Variants in CEMIP observed in about 807,000 individuals in gnomAD.
CEMIP encodes the protein cell migration inducing hyaluronidase 1.
Under a neutral mutation model 156.9 loss-of-function variants are expected in CEMIP, and 105 were observed. The ratio of observed to expected loss-of-function variants is 0.67; its 90% CI spans 0.57 to 0.79. CEMIP has a LOEUF of 0.79. CEMIP is among the 30% of genes least tolerant of loss of function. CEMIP has a pLI of 0.00. For missense variants in CEMIP, 1,457 were observed against 1,769.4 expected (o/e 0.82, Z 3.17); for synonymous variants, 676 against 668.4 (o/e 1.01, Z -0.17).
intron 11 of CEMIP, 143 bp downstream of exon 11, chr15:80,895,265 T>C (rs2141859227): frequency 8.8e-7 from 1 of 1,131,272 alleles, no homozygotes; most frequent in Non-Finnish European, 1.3e-6. Flanking sequence ...AGTGGGAGGA[T>C]CCTTGGAGTT....
chr15:80,947,176 C>T (rs370067720), intron 29 of CEMIP, 111 bp downstream of exon 29: 12 of 717,834 alleles, frequency 1.7e-5, no homozygotes, highest in African/African-American at 3.5e-5. Context: ...TTGTACTAAA[C>T]GTGGGTACAA....
intron 12 of CEMIP, among the ~76,000 whole-genome samples, chr15:80,900,640 G>GTGTGTGTGTGTC (rs1596172842): frequency 1.5e-5 from 2 of 130,336 alleles, no homozygotes; most frequent in South Asian, 2.4e-4. Context: ...GTGTGTGTGT[G>GTGTGTGTGTGTC]TGTGTGTGTC....
Position 80,942,795 on chromosome 15 carries a change from C to G in CEMIP, c.3700-150C>G, listed in dbSNP as rs1257324406. The G allele has an allele frequency of 4.4e-6, 4 of 910,398 alleles. No individual in the cohort carries two copies. In the African/African-American group the frequency reaches 6.5e-5, roughly 15 times the overall value. 56.4% of individuals were successfully genotyped at this position (910,398 alleles called of 1,614,324 possible). ...CCACTATTTGACCCACTACTGAGGG[C>G]TACGAGGAGTTAAGTGGATAATGGA... On this transcript the variant is annotated intron_variant, in intron 27 of 29. Transcript: ENST00000394685.
chr15:80,946,618 A>T (rs1901565279), intron 28 of CEMIP: 1 of 298,038 alleles, frequency 3.4e-6, no homozygotes, highest in African/African-American at 2.1e-5. Flanking sequence ...AGAGATACAT[A>T]TCGAAGTCCT....
intron 23 of CEMIP, among the ~76,000 whole-genome samples, chr15:80,933,940 T>C (rs1471555234): frequency 1.3e-5 from 2 of 152,230 alleles, no homozygotes; most frequent in African/African-American, 2.4e-5. Context: ...AAACAGAATT[T>C]AATTTTAATA....
At chr15:80,790,579 T>G (rs1337147910) in intron 1 of CEMIP, among the ~76,000 whole-genome samples, 1 of 152,144 alleles carries the variant, frequency 6.6e-6, no homozygotes, top group Non-Finnish European at 1.5e-5. Context: ...CAGCTCCAGG[T>G]GGGGGTCACT....
At chr15:80,823,275 T>A (rs1896951717) in intron 1 of CEMIP, among the ~76,000 whole-genome samples, 2 of 152,182 alleles carry the variant, frequency 1.3e-5, no homozygotes, top group African/African-American at 4.8e-5. Context: ...TAAACACAAG[T>A]CGTTCCGTTG....
chr15:80,812,594 G>T (rs1280301106), intron 1 of CEMIP, among the ~76,000 whole-genome samples: 7 of 152,094 alleles, frequency 4.6e-5, no homozygotes, highest in African/African-American at 1.7e-4. Flanking sequence ...CTGCTTTTGT[G>T]GTTGCTGTTA....
intron 1 of CEMIP, among the ~76,000 whole-genome samples, chr15:80,835,333 C>T (rs951384724): frequency 1.3e-5 from 2 of 152,204 alleles, no homozygotes; most frequent in Non-Finnish European, 2.9e-5. Flanking sequence ...GTAGTACCAT[C>T]GCTGAGTTCC....
chr15:80,888,128 C>T (rs1898910781), intron 8 of CEMIP, among the ~76,000 whole-genome samples: 1 of 151,844 alleles, frequency 6.6e-6, no homozygotes, highest in African/African-American at 2.4e-5. Context: ...TTTGGGAGGC[C>T]GAGGCGGGTG....
rs750703866 is a variant in CEMIP at position 80,931,918 on chromosome 15, C to T, written c.2672C>T (p.Thr891Ile). The T allele has an allele frequency of 1.2e-6, 2 of 1,614,256 alleles. No individual in the cohort carries two copies. The highest frequency in any genetic ancestry group is 1.7e-6 in the Non-Finnish European group (2 of 1,180,040). ...GGCCCCATCAACATCCAAAACTGCA[C>T]TTTCCGAAAGTTTGTGGCCCTGGAG... The part of the protein sequence containing the change: ...YDGPINIQNC[T>I]FRKFVALEGR... Residue 891 changes from threonine to isoleucine, a missense_variant, in exon 22 of 30, where the codon ACT becomes ATT. Coordinates refer to ENST00000394685, the MANE Select transcript of CEMIP (RefSeq NM_001293298.2).
At chr15:80,859,149 T>C (rs1430156167) in intron 1 of CEMIP, among the ~76,000 whole-genome samples, 2 of 152,176 alleles carry the variant, frequency 1.3e-5, no homozygotes, top group Non-Finnish European at 2.9e-5. Context: ...ATGGATCTAT[T>C]CATTGGCCAG....
intron 1 of CEMIP, among the ~76,000 whole-genome samples, chr15:80,781,275 A>G (rs943425318): frequency 2.6e-5 from 4 of 152,258 alleles, no homozygotes; most frequent in Non-Finnish European, 4.4e-5. Context: ...ATGGAGAAGA[A>G]ATCAAATAGA....
intron 28 of CEMIP, among the ~76,000 whole-genome samples, chr15:80,944,370 C>T (rs904635005): frequency 6.6e-6 from 1 of 152,182 alleles, no homozygotes; most frequent in Non-Finnish European, 1.5e-5. Context: ...AAGAGTGTGG[C>T]CTTCTCAATG....
intron 14 of CEMIP, among the ~76,000 whole-genome samples, chr15:80,916,369 G>C (rs565103905): frequency 6.6e-6 from 1 of 152,278 alleles, no homozygotes; most frequent in East Asian, 1.9e-4. Context: ...AACAACTGAA[G>C]ACTTAAAACA....
intron 25 of CEMIP, 39 bp from the exon 26 acceptor site, chr15:80,941,810 G>A (rs1217839049): frequency 2.5e-6 from 4 of 1,588,344 alleles, no homozygotes; most frequent in Non-Finnish European, 2.6e-6. Context: ...GGAGGTTTGA[G>A]TGTCCAAGCA....
At chr15:80,870,543 C>A (rs1898255613) in intron 1 of CEMIP, among the ~76,000 whole-genome samples, 1 of 152,166 alleles carries the variant, frequency 6.6e-6, no homozygotes, top group Non-Finnish European at 1.5e-5. Context: ...AGGTGACAAG[C>A]CCTGGACTCC....
intron 3 of CEMIP, 56 bp downstream of exon 3, chr15:80,874,029 C>G: frequency 1.3e-6 from 2 of 1,483,336 alleles, no homozygotes; most frequent in South Asian, 2.4e-5. Context: ...CACGGCCCCT[C>G]ACTGGAGCAA....
At chr15:80,904,083 C>T (rs1899685948) in intron 12 of CEMIP, among the ~76,000 whole-genome samples, 1 of 152,214 alleles carries the variant, frequency 6.6e-6, no homozygotes, top group African/African-American at 2.4e-5. Flanking sequence ...AAACCAAAGG[C>T]CTGACAGCTT....
Sources: allele counts gnomAD v4.1 joint callset (sites outside exome capture counted in the v4.1 genomes callset), GRCh38; gene constraint gnomAD v4.1.1; transcripts MANE v1.5; gene names NCBI Gene and HGNC (gene_info 2026-07-23, HGNC 2026-07-21).